The following CALN1 variants were observed in gnomAD, a reference collection of about 807,000 sequenced individuals.
The protein encoded by CALN1 is calcium-binding protein 8.
Under a neutral mutation model 30.6 loss-of-function variants are expected in CALN1, and 17 were observed. The observed-to-expected ratio is 0.56, with a 90% CI of 0.38 to 0.83. The LOEUF is 0.83. Ranked by LOEUF, CALN1 falls within the 40% of genes least tolerant of loss-of-function variation. The pLI is 0.00. For synonymous variants in CALN1, 156 were observed against 131.4 expected, an observed-to-expected ratio of 1.19 and a Z score of -1.28; for missense variants, 291 against 354.9, an observed-to-expected ratio of 0.82 and a Z score of 1.45.
chr7:72,350,683 T>A (rs1341626977), intron 2 of CALN1, among the ~76,000 whole-genome samples: 2 of 152,172 alleles, frequency 1.3e-5, no homozygotes, highest in Admixed American at 6.6e-5. Context: ...GATACTATGC[T>A]TATTACCTGG....
At chr7:72,221,716 C>A (rs1793316521) in intron 3 of CALN1, among the ~76,000 whole-genome samples, 1 of 151,772 alleles carries the variant, frequency 6.6e-6, no homozygotes, top group African/African-American at 2.4e-5. Context: ...ATGGTGAAAC[C>A]CAGTCTCTAC....
chr7:72,172,603 G>C (rs764699225), intron 3 of CALN1, among the ~76,000 whole-genome samples: 1 of 152,188 alleles, frequency 6.6e-6, no homozygotes, highest in Non-Finnish European at 1.5e-5. Context: ...TCATGACTAA[G>C]TAGGGTTTAT....
chr7:71,946,396 CT>C (rs1270821263), intron 5 of CALN1, among the ~76,000 whole-genome samples: 1 of 131,338 alleles, frequency 7.6e-6, no homozygotes, highest in Non-Finnish European at 1.6e-5. Context: ...GAGACAGGGT[CT>C]TGCTCTGTCA....
intron 2 of CALN1, among the ~76,000 whole-genome samples, chr7:72,325,679 G>A (rs953891629): frequency 2.6e-5 from 4 of 152,190 alleles, no homozygotes; most frequent in Non-Finnish European, 4.4e-5. Flanking sequence ...AACCAAGTCA[G>A]TTAGTTGCCT....
intron 2 of CALN1, among the ~76,000 whole-genome samples, chr7:72,302,605 G>A (rs543502689): frequency 7.8e-4 from 118 of 152,062 alleles, no homozygotes; most frequent in African/African-American, 2.6e-3. Context: ...CAAAAAATAC[G>A]AAAACAGGAT....
intron 5 of CALN1, among the ~76,000 whole-genome samples, chr7:72,006,486 T>A (rs1799778785): frequency 6.6e-6 from 1 of 152,144 alleles, no homozygotes. Context: ...ATTAAACCAC[T>A]CTATTAAAAG....
chr7:72,183,789 A>G (rs902704679), intron 3 of CALN1, among the ~76,000 whole-genome samples: 6 of 152,206 alleles, frequency 3.9e-5, no homozygotes, highest in African/African-American at 1.4e-4. Flanking sequence ...TGTTCTCTGG[A>G]AAGTAAATTA....
intron 6 of CALN1, among the ~76,000 whole-genome samples, chr7:71,792,804 A>C (rs1043953728): frequency 1.3e-5 from 2 of 152,084 alleles, no homozygotes; most frequent in African/African-American, 4.8e-5. Context: ...TAGGAAGAGA[A>C]ACATTGCATG....
At chr7:72,195,719 A>T (rs1790941678) in intron 3 of CALN1, among the ~76,000 whole-genome samples, 1 of 152,176 alleles carries the variant, frequency 6.6e-6, no homozygotes, top group Non-Finnish European at 1.5e-5. Context: ...CTTGGTGGCT[A>T]ACACAGCACT....
At chr7:71,816,036 T>A (rs566445778) in intron 5 of CALN1, among the ~76,000 whole-genome samples, 30 of 151,124 alleles carry the variant, frequency 2.0e-4, no homozygotes, top group East Asian at 5.9e-4. Flanking sequence ...ATTTTTTTTT[T>A]AATTTTTTTT....
At chr7:72,322,804 A>T (rs1045426656) in intron 2 of CALN1, among the ~76,000 whole-genome samples, 5 of 152,096 alleles carry the variant, frequency 3.3e-5, no homozygotes, top group South Asian at 2.1e-4. Context: ...TTAAAAATTT[A>T]AAATCCCTTG....
intron 4 of CALN1, among the ~76,000 whole-genome samples, chr7:72,030,412 T>C (rs1801360535): frequency 6.6e-6 from 1 of 152,196 alleles, no homozygotes; most frequent in Non-Finnish European, 1.5e-5. Context: ...TACAATTCTA[T>C]ACCAACCCTA....
chr7:72,083,339 C>T (rs1268462298), intron 4 of CALN1, among the ~76,000 whole-genome samples: 1 of 152,044 alleles, frequency 6.6e-6, no homozygotes, highest in African/African-American at 2.4e-5. Flanking sequence ...TGGTGAAATA[C>T]AAAATGTGAA....
intron 2 of CALN1, among the ~76,000 whole-genome samples, chr7:72,283,518 G>A (rs1288934604): frequency 1.3e-5 from 1 of 79,524 alleles, no homozygotes; most frequent in African/African-American, 5.3e-5. Flanking sequence ...CTGAGTGACA[G>A]AGCAAGACTC....
chr7:71,790,637 C>T (rs998860446), intron 6 of CALN1, among the ~76,000 whole-genome samples: 2 of 152,236 alleles, frequency 1.3e-5, no homozygotes, highest in African/African-American at 2.4e-5. Context: ...CAGGAAGCCA[C>T]CTACTCCAGA....
intron 5 of CALN1, among the ~76,000 whole-genome samples, chr7:71,916,036 C>T (rs1260769541): frequency 6.6e-6 from 1 of 152,170 alleles, no homozygotes; most frequent in Non-Finnish European, 1.5e-5. Context: ...CCTCCACTTC[C>T]ACCTCCAATC....
chr7:72,463,220 C>G, the CALN1 span, among the ~76,000 whole-genome samples: 1 of 152,180 alleles, frequency 6.6e-6, no homozygotes, highest in Non-Finnish European at 1.5e-5. Flanking sequence ...CTCCCGGGTT[C>G]AAGTGATTCT....
chr7:72,397,860 C>T (rs1806083625), intron 2 of CALN1, among the ~76,000 whole-genome samples: 1 of 152,110 alleles, frequency 6.6e-6, no homozygotes. Flanking sequence ...TTGATCATGC[C>T]TAGCCCTTCC....
the CALN1 span, among the ~76,000 whole-genome samples, chr7:72,496,597 C>A: frequency 1.3e-4 from 20 of 152,166 alleles, no homozygotes; most frequent in African/African-American, 4.1e-4. Context: ...AATCAAAAAG[C>A]TAACAGTTGG....
Sources: allele counts gnomAD v4.1 joint callset (sites outside exome capture counted in the v4.1 genomes callset), GRCh38; gene constraint gnomAD v4.1.1; transcripts MANE v1.5; gene names NCBI Gene and HGNC (gene_info 2026-07-23, HGNC 2026-07-21).